BCL7B: variants seen among roughly 807,000 people sequenced by gnomAD.
The protein encoded by BCL7B is B-cell CLL/lymphoma 7 protein family member B.
A neutral mutation model predicts 26.5 loss-of-function variants in BCL7B; 11 were observed. That is an observed-to-expected ratio of 0.42 (90% CI 0.26 to 0.69). The LOEUF is 0.69. Ranked by LOEUF, BCL7B falls within the 30% of genes least tolerant of loss-of-function variation. BCL7B has a pLI of 0.28. For synonymous variants in BCL7B, 111 were observed against 107.9 expected, an observed-to-expected ratio of 1.03 and a Z score of -0.18; for missense variants, 215 against 264.4, an observed-to-expected ratio of 0.81 and a Z score of 1.30.
chr7:73,540,829 CAAAAA>C lies in BCL7B; in HGVS notation c.266-782_266-778del, dbSNP rs56111929. ...TGAGCAACAGAGCGAGACTCTGTCT[CAAAAA>C]AAAAAAAAAAAAAAAAAAAAAGAGT... is the stretch of plus-strand genomic sequence containing the variant. On this transcript the variant is annotated intron_variant, in intron 3 of 5. Coordinates refer to ENST00000223368, the MANE Select transcript of BCL7B (RefSeq NM_001707.4). Among the ~76,000 whole-genome samples, 314 of 50,912 alleles carry C rather than the reference CAAAAA, an allele frequency of 6.2e-3. 1 individual carries two copies. The highest frequency in any genetic ancestry group is 0.022 in the African/African-American group (277 of 12,370). 33.4% of individuals were successfully genotyped at this position (50,912 alleles called of 152,430 possible).
chr7:73,538,006 G>T lies in BCL7B; in HGVS notation c.444C>A (p.Ser148=), dbSNP rs1338839814. Residue 148 remains serine (S), a synonymous_variant, in exon 5 of 6, where the codon TCC becomes TCA. Coordinates refer to ENST00000223368, the MANE Select transcript of BCL7B (RefSeq NM_001707.4). ...TLGQEILEEP[S]LPSSEVADEP... ...CATCAGCAACTTCCGAGGAGGGCAG[G>T]GAGGGCTCTGAAAAGGCAGTAGGGT... The T allele has an allele frequency of 1.3e-6, 2 of 1,599,502 alleles. No homozygotes were observed. Among genetic ancestry groups the T allele is most frequent in the African/African-American group, 2.7e-5 (2 of 74,044 alleles).
intron 2 of BCL7B, among the ~76,000 whole-genome samples, chr7:73,547,605 G>A (rs1450430473): frequency 6.6e-6 from 1 of 152,150 alleles, no homozygotes; most frequent in Non-Finnish European, 1.5e-5. Flanking sequence ...TTTCTTAACA[G>A]CGACACTGGA....
intron 2 of BCL7B, chr7:73,544,013 G>A: frequency 5.8e-6 from 1 of 173,182 alleles, no homozygotes; most frequent in South Asian, 1.2e-4. Context: ...TCCTGTTTCA[G>A]TAGCAGAGTG....
chr7:73,553,283 A>T (rs1563432806), intron 1 of BCL7B, among the ~76,000 whole-genome samples: 1 of 152,000 alleles, frequency 6.6e-6, no homozygotes, highest in South Asian at 2.1e-4. Context: ...AGGGGCAAAC[A>T]ATCTCAGGAG....
intron 2 of BCL7B, among the ~76,000 whole-genome samples, chr7:73,548,450 AAAC>A (rs1208204207): frequency 2.0e-5 from 3 of 151,896 alleles, no homozygotes; most frequent in Non-Finnish European, 4.4e-5. Context: ...CAAAATAAGG[AAAC>A]AACAACAACA....
intron 1 of BCL7B, among the ~76,000 whole-genome samples, chr7:73,554,071 G>T (rs1792275597): frequency 6.6e-6 from 1 of 151,154 alleles, no homozygotes. Flanking sequence ...AGGCTCAGGT[G>T]AATCTCCCAT....
chr7:73,545,054 A>G (rs1791904434), intron 2 of BCL7B, among the ~76,000 whole-genome samples: 1 of 148,320 alleles, frequency 6.7e-6, no homozygotes, highest in Non-Finnish European at 1.5e-5. Flanking sequence ...CCCTAACTCA[A>G]AAAAAAAAAA....
In BCL7B at chr7:73,557,063, C is replaced by A. The variant is rs76148857; in HGVS notation, c.92+424G>T. ...CACCCAACTTCAACGCCTGAATACG[C>A]AGAGCGCTCAGCCTGGCGGGCTGAC... On this transcript the variant is annotated intron_variant, in intron 1 of 5. Transcript: ENST00000223368. 1.6e-4 allele frequency: 159 copies of A among 988,184 alleles called. No homozygotes were observed. The African/African-American group carries it at 2.6e-3, about 16-fold the overall frequency. 61.2% of individuals were successfully genotyped at this position (988,184 alleles called of 1,614,324 possible). A position where few individuals can be genotyped will look rare whatever the true frequency, so the allele number is the denominator to read the frequency against.
intron 3 of BCL7B, chr7:73,540,279 A>G (rs1404657806): frequency 2.0e-6 from 1 of 509,420 alleles, no homozygotes; most frequent in Non-Finnish European, 3.5e-6. Context: ...TATGCTTATT[A>G]AACTCTTCTT....
intron 2 of BCL7B, among the ~76,000 whole-genome samples, chr7:73,549,407 A>G (rs1204700193): frequency 6.6e-6 from 1 of 152,068 alleles, no homozygotes; most frequent in Non-Finnish European, 1.5e-5. Context: ...AGGCTGGTGC[A>G]GTGGCACATG....
chr7:73,540,204 TC>T, intron 3 of BCL7B, 152 bp from the exon 4 acceptor site: 1 of 789,136 alleles, frequency 1.3e-6, no homozygotes, highest in Non-Finnish European at 2.0e-6. Flanking sequence ...CGACATAGAT[TC>T]TAAGCACCAG....
Position 73,537,237 on chromosome 7 carries a change from C to A in BCL7B, c.*61G>T. On this transcript the variant is annotated 3_prime_UTR_variant, in exon 6 of 6. Transcript: ENST00000223368. Reference sequence around the variant, plus strand: ...TTGCCCTTACCCCAGCAACGCGGCGCGGCCAGAACCAGAATGCAATAAATA... The same window carrying A: ...TTGCCCTTACCCCAGCAACGCGGCGAGGCCAGAACCAGAATGCAATAAATA... 6.5e-7 allele frequency: 1 copy of A among 1,548,910 alleles called. No individual in the cohort carries two copies. The highest frequency in any genetic ancestry group is 1.4e-5 in the African/African-American group (1 of 73,846).
chr7:73,543,532 C>T lies in BCL7B; in HGVS notation c.265+16G>A. ...TTTTCATTCTCCTGCAAGGAAGACA[C>T]AGAGATGCAACTCACCCTGGAATTC... On this transcript the variant is annotated intron_variant, in intron 3 of 5. Coordinates refer to ENST00000223368, the MANE Select transcript of BCL7B (RefSeq NM_001707.4). 4 of 1,607,008 alleles carry T rather than the reference C, an allele frequency of 2.5e-6. No individual in the cohort carries two copies. The highest frequency in any genetic ancestry group is 2.2e-5 in the South Asian group (2 of 90,924).
At chr7:73,556,540 G>T (rs1397806829) in intron 1 of BCL7B, among the ~76,000 whole-genome samples, 1 of 152,210 alleles carries the variant, frequency 6.6e-6, no homozygotes, top group Non-Finnish European at 1.5e-5. Flanking sequence ...AGTTGGCTGT[G>T]AAAGTTTAAT....
chr7:73,539,736 T>C (rs1247645123), intron 4 of BCL7B, 146 bp downstream of exon 4: 10 of 910,356 alleles, frequency 1.1e-5, no homozygotes, highest in Non-Finnish European at 1.6e-5. Flanking sequence ...GGGGAAACTA[T>C]AATCATTCCT....
chr7:73,545,421 G>GCCAGGATGGTCTCGATCTCCTGGCT (rs1313792075), intron 2 of BCL7B, among the ~76,000 whole-genome samples: 3 of 152,006 alleles, frequency 2.0e-5, no homozygotes, highest in Non-Finnish European at 2.9e-5. Flanking sequence ...CACCATGTTA[G>GCCAGGATGGTCTCGATCTCCTGGCT]CCAGGATGGT....
chr7:73,548,613 T>C (rs923647481), intron 2 of BCL7B, among the ~76,000 whole-genome samples: 25 of 151,388 alleles, frequency 1.7e-4, no homozygotes, highest in Non-Finnish European at 3.4e-4. Context: ...TGAAACCGTG[T>C]CTTACAAAAT....
Position 73,538,904 on chromosome 7 carries a change from G to A in BCL7B, c.437-891C>T, listed in dbSNP as rs577115964. 5.7e-4 allele frequency among the ~76,000 whole-genome samples: 86 copies of A among 151,328 alleles called. 1 individual carries two copies. Among genetic ancestry groups the A allele is most frequent in the African/African-American group, 2.0e-3 (84 of 41,270 alleles). On this transcript the variant is annotated intron_variant, in intron 4 of 5. Coordinates refer to ENST00000223368, the MANE Select transcript of BCL7B (RefSeq NM_001707.4). Reference sequence around the variant, plus strand: ...TGCTGAAAATAGAAGGACTTAAAGTGACATTCATTCCAACAGTTACTAGAC... The same window carrying A: ...TGCTGAAAATAGAAGGACTTAAAGTAACATTCATTCCAACAGTTACTAGAC...
chr7:73,537,426 C>T, intron 5 of BCL7B, 36 bp from the exon 6 acceptor site: 1 of 1,546,206 alleles, frequency 6.5e-7, no homozygotes, highest in Non-Finnish European at 8.9e-7. Context: ...CCAGGGCCAC[C>T]CCTCCCAACC....
Sources: allele counts gnomAD v4.1 joint callset (sites outside exome capture counted in the v4.1 genomes callset), GRCh38; gene constraint gnomAD v4.1.1; transcripts MANE v1.5; gene names NCBI Gene and HGNC (gene_info 2026-07-23, HGNC 2026-07-21).